Variants in CAMK2D observed in about 807,000 individuals in gnomAD.
CAMK2D encodes calcium/calmodulin-dependent protein kinase type II subunit delta.
A neutral mutation model predicts 84.0 loss-of-function variants in CAMK2D; 37 were observed. The observed-to-expected ratio is 0.44, with a 90% CI of 0.34 to 0.58. CAMK2D has a LOEUF of 0.58. Ranked by LOEUF, CAMK2D falls within the 20% of genes least tolerant of loss-of-function variation. The pLI is 0.02. For missense variants in CAMK2D, 448 were observed against 652.5 expected (o/e 0.69, Z 3.41); for synonymous variants, 202 against 212.5 (o/e 0.95, Z 0.43).
intron 4 of CAMK2D, among the ~76,000 whole-genome samples, chr4:113,556,377 T>C (rs2098664582): frequency 1.3e-5 from 2 of 151,998 alleles, no homozygotes; most frequent in South Asian, 4.2e-4. Context: ...CCCCAAAGGA[T>C]CATGCAGAAA....
rs558315377 is a variant in CAMK2D, at chr4:113,569,533, G to A, written c.276-17437C>T. Among the ~76,000 whole-genome samples, 3 of 152,116 alleles carry A rather than the reference G, an allele frequency of 2.0e-5. 1 individual carries two copies. The East Asian group carries it at 5.8e-4, about 29-fold the overall frequency. ...TGTACAACTTGTATATATCTATAGAGGTTAATTAAAAATGCATTCAAAGTT... is the reference window on the plus strand; with the variant it reads ...TGTACAACTTGTATATATCTATAGAAGTTAATTAAAAATGCATTCAAAGTT... On this transcript the variant is annotated intron_variant, in intron 4 of 20. Coordinates refer to ENST00000511664, the MANE Select transcript of CAMK2D (RefSeq NM_001321571.2).
intron 4 of CAMK2D, among the ~76,000 whole-genome samples, chr4:113,599,745 TA>T (rs996740213): frequency 2.0e-5 from 3 of 152,102 alleles, no homozygotes; most frequent in Non-Finnish European, 4.4e-5. Context: ...ATTCTTAAAA[TA>T]AAGTAAGTTA....
chr4:113,684,968 A>C lies in CAMK2D; in HGVS notation c.161-23196T>G, dbSNP rs568957481. Among the ~76,000 whole-genome samples, 19 of 152,302 alleles carry C rather than the reference A, an allele frequency of 1.2e-4. No homozygotes were observed. The East Asian group carries it at 3.7e-3, about 29-fold the overall frequency. On this transcript the variant is annotated intron_variant, in intron 2 of 20. Transcript: ENST00000511664. ...CTGCTGCTCCTCATCTCTCCCTGGA[A>C]AGAGCTGGCAGCAGATGACCAGACA...
In CAMK2D at chr4:113,453,603, C is replaced by T. The variant is rs2097272871; in HGVS notation, c.*942G>A. ...AAGATGATCAAAAGTGCTAGTATAG[C>T]TACCTTCAAAAGACTTTTATTTCCC... On this transcript the variant is annotated 3_prime_UTR_variant, in exon 21 of 21. Transcript: ENST00000511664. 6.6e-6 allele frequency: 1 copy of T among 152,144 alleles called. No homozygotes were observed. Among genetic ancestry groups the T allele is most frequent in the Admixed American group, 6.6e-5 (1 of 15,266 alleles). 9.4% of individuals were successfully genotyped at this position (152,144 alleles called of 1,614,324 possible). A position where few individuals can be genotyped will look rare whatever the true frequency, so the allele number is the denominator to read the frequency against.
intron 6 of CAMK2D, among the ~76,000 whole-genome samples, chr4:113,544,033 C>T (rs2098550502): frequency 6.6e-6 from 1 of 152,100 alleles, no homozygotes; most frequent in Non-Finnish European, 1.5e-5. Flanking sequence ...CCTCATGATC[C>T]ACCCGCCTTA....
At chr4:113,606,264 T>A (rs1245859125) in intron 4 of CAMK2D, among the ~76,000 whole-genome samples, 1 of 150,872 alleles carries the variant, frequency 6.6e-6, no homozygotes, top group Non-Finnish European at 1.5e-5. Context: ...AGGTCAGGAG[T>A]TGGAGACCAG....
chr4:113,684,155 C>A (rs1485356943), intron 2 of CAMK2D, among the ~76,000 whole-genome samples: 1 of 152,132 alleles, frequency 6.6e-6, no homozygotes, highest in South Asian at 2.1e-4. Flanking sequence ...GTGGAGTACA[C>A]AATGGAACCA....
intron 17 of CAMK2D, among the ~76,000 whole-genome samples, chr4:113,460,582 T>A (rs1191026348): frequency 1.3e-5 from 2 of 151,982 alleles, no homozygotes; most frequent in Non-Finnish European, 2.9e-5. Context: ...TACTATTTTT[T>A]AAAAATGCTC....
At chr4:113,569,547 G>T (rs986938704) in intron 4 of CAMK2D, among the ~76,000 whole-genome samples, 2 of 152,146 alleles carry the variant, frequency 1.3e-5, no homozygotes, top group Non-Finnish European at 1.5e-5. Flanking sequence ...AATTAAAAAT[G>T]CATTCAAAGT....
Position 113,504,655 on chromosome 4 carries a change from G to T in CAMK2D, c.1044+321C>A, listed in dbSNP as rs2098103231. ...ACTATCATCATCAGAAGAGCTAAGAGCAACCAAAGCGCTGTATTTTGAATG... is the reference window on the plus strand; with the variant it reads ...ACTATCATCATCAGAAGAGCTAAGATCAACCAAAGCGCTGTATTTTGAATG... On this transcript the variant is annotated intron_variant, in intron 14 of 20. Coordinates refer to ENST00000511664, the MANE Select transcript of CAMK2D (RefSeq NM_001321571.2). 2.6e-5 allele frequency among the ~76,000 whole-genome samples: 4 copies of T among 152,204 alleles called. No individual in the cohort carries two copies. In the South Asian group the frequency reaches 8.3e-4, roughly 32 times the overall value.
intron 3 of CAMK2D, among the ~76,000 whole-genome samples, chr4:113,644,352 T>C (rs906408399): frequency 6.6e-6 from 1 of 152,242 alleles, no homozygotes; most frequent in African/African-American, 2.4e-5. Flanking sequence ...AAAATTATTC[T>C]AGAAGCAGCA....
At chr4:113,602,871 G>A (rs901655981) in intron 4 of CAMK2D, among the ~76,000 whole-genome samples, 6 of 152,160 alleles carry the variant, frequency 3.9e-5, no homozygotes, top group Admixed American at 1.3e-4. Flanking sequence ...ACGGGTAGAG[G>A]GAAAACAATT....
chr4:113,519,290 A>G (rs988815754), intron 8 of CAMK2D, among the ~76,000 whole-genome samples: 2 of 152,218 alleles, frequency 1.3e-5, no homozygotes, highest in African/African-American at 2.4e-5. Context: ...AGCATTCTCA[A>G]CATAGGCTGT....
chr4:113,692,823 AT>A (rs921156193), intron 2 of CAMK2D, among the ~76,000 whole-genome samples: 1 of 152,154 alleles, frequency 6.6e-6, no homozygotes, highest in Admixed American at 6.5e-5. Flanking sequence ...ATCTTGATAT[AT>A]TCCCTGGATA....
At chr4:113,549,180 A>G (rs2098605784) in intron 5 of CAMK2D, among the ~76,000 whole-genome samples, 2 of 152,236 alleles carry the variant, frequency 1.3e-5, no homozygotes, top group African/African-American at 2.4e-5. Context: ...GTAAACACAG[A>G]TGAAGTGGCA....
intron 18 of CAMK2D, among the ~76,000 whole-genome samples, chr4:113,457,883 T>C (rs2097323884): frequency 1.3e-5 from 2 of 152,306 alleles, no homozygotes; most frequent in South Asian, 4.1e-4. Flanking sequence ...AATCACAACA[T>C]GAATAGAAGT....
rs72895959 is a variant in CAMK2D, at chr4:113,697,019, T to A, written c.161-35247A>T. Among the ~76,000 whole-genome samples, 1,423 of 152,200 alleles carry A rather than the reference T, an allele frequency of 9.3e-3. 27 individuals are homozygous for A. The highest frequency in any genetic ancestry group is 0.032 in the African/African-American group (1,344 of 41,556). ...GATATACAAAGAAGCACAATGTCCC[T>A]CAATGTCCAAGGAGTCTTGATTTGG... On this transcript the variant is annotated intron_variant, in intron 2 of 20. Coordinates refer to ENST00000511664, the MANE Select transcript of CAMK2D (RefSeq NM_001321571.2).
chr4:113,648,109 T>C (rs1404278856), intron 3 of CAMK2D, among the ~76,000 whole-genome samples: 1 of 152,212 alleles, frequency 6.6e-6, no homozygotes, highest in South Asian at 2.1e-4. Context: ...TCTAAGAGTA[T>C]AAATTGATAT....
At chr4:113,689,301 A>G (rs144384583) in intron 2 of CAMK2D, among the ~76,000 whole-genome samples, 5 of 152,262 alleles carry the variant, frequency 3.3e-5, no homozygotes, top group African/African-American at 1.2e-4. Flanking sequence ...TTTTCCAATT[A>G]ATTTCCTACT....
Sources: allele counts gnomAD v4.1 joint callset (sites outside exome capture counted in the v4.1 genomes callset), GRCh38; gene constraint gnomAD v4.1.1; transcripts MANE v1.5; gene names NCBI Gene and HGNC (gene_info 2026-07-23, HGNC 2026-07-21).